Variants in TRAPPC11 observed in about 807,000 individuals in gnomAD.
The protein encoded by TRAPPC11 is trafficking protein particle complex subunit 11, also known as foie gras homolog.
In TRAPPC11, 104 loss-of-function variants were observed where a neutral mutation model predicts 151.2. The observed-to-expected ratio is 0.69, with a 90% CI of 0.59 to 0.81. TRAPPC11 has a LOEUF of 0.81. Ranked by LOEUF, TRAPPC11 falls within the 30% of genes least tolerant of loss-of-function variation. The probability of loss-of-function intolerance (pLI) is 0.00; values close to 1 mark genes in which losing one functional copy is unlikely to be tolerated. For synonymous variants in TRAPPC11, 456 were observed against 472.3 expected (o/e 0.97, Z 0.45); for missense variants, 1,230 against 1,349.6 (o/e 0.91, Z 1.39).
At chr4:183,673,699 TAATGA>T (rs889388589) in intron 5 of TRAPPC11, among the ~76,000 whole-genome samples, 12 of 152,064 alleles carry the variant, frequency 7.9e-5, no homozygotes, top group African/African-American at 9.7e-5. Context: ...TGAAATGAAA[TAATGA>T]AATGAAATGA....
rs368270316 is a variant in TRAPPC11, at chr4:183,700,094, G to A, written c.2852-1603G>A. On this transcript the variant is annotated intron_variant, in intron 25 of 29. Coordinates refer to ENST00000334690, the MANE Select transcript of TRAPPC11 (RefSeq NM_021942.6). ...CCCAAAGTGCTGGGATTACAAGCGT[G>A]AGCCACCACGCCCAGCCAATGTTAA... Among the ~76,000 whole-genome samples, 311 of 152,166 alleles carry A rather than the reference G, an allele frequency of 2.0e-3. 1 individual carries two copies. Among genetic ancestry groups the A allele is most frequent in the African/African-American group, 7.1e-3 (294 of 41,518 alleles).
rs1415116624 is a variant in TRAPPC11 at position 183,691,436 on chromosome 4, G to C, written c.2014G>C (p.Val672Leu). 6.6e-7 allele frequency: 1 copy of C among 1,519,652 alleles called. No homozygotes were observed. Among genetic ancestry groups the C allele is most frequent in the African/African-American group, 1.4e-5 (1 of 73,870 alleles). The allele number at this position is 1,519,652 out of a possible 1,614,324, so 94.1% of individuals were successfully genotyped here. A position where few individuals can be genotyped will look rare whatever the true frequency, so the allele number is the denominator to read the frequency against. Residue 672 changes from valine to leucine, a missense_variant, in exon 19 of 30, where the codon GTT becomes CTT. Val to Leu is a conservative substitution (Grantham distance 32). Transcript: ENST00000334690. ...AACAAGAAAACTGTTATTTAAGTTT[G>C]TTGCAAAAACTGAAGATGTGGGAAA... ...GKTRKLLFKF[V>L]AKTEDVGKKI...
At chr4:183,671,351 C>T (rs556322471) in intron 5 of TRAPPC11, among the ~76,000 whole-genome samples, 5 of 152,210 alleles carry the variant, frequency 3.3e-5, no homozygotes, top group South Asian at 2.1e-4. Flanking sequence ...TTTGGCTGGG[C>T]GGGACAGTAT....
chr4:183,675,145 T>G lies in TRAPPC11; in HGVS notation c.661-19T>G. 7.2e-7 allele frequency: 1 copy of G among 1,384,600 alleles called. No individual in the cohort carries two copies. Among genetic ancestry groups the G allele is most frequent in the Non-Finnish European group, 9.7e-7 (1 of 1,025,860 alleles). The allele number at this position is 1,384,600 out of a possible 1,614,324, so 85.8% of individuals were successfully genotyped here. A position where few individuals can be genotyped will look rare whatever the true frequency, so the allele number is the denominator to read the frequency against. On this transcript the variant is annotated intron_variant, in intron 6 of 29. Transcript: ENST00000334690. Reference sequence around the variant, plus strand: ...TTAAATAGAATATGTATAATAGTAATTTTTTTGTCTCTTTTTAGCTTTTAT... The same window carrying G: ...TTAAATAGAATATGTATAATAGTAAGTTTTTTGTCTCTTTTTAGCTTTTAT...
At chr4:183,708,384 C>T (rs1365950392) in intron 28 of TRAPPC11, 23 bp from the exon 29 acceptor site, 3 of 1,604,824 alleles carry the variant, frequency 1.9e-6, no homozygotes, top group African/African-American at 2.7e-5. Context: ...GATTATCTTT[C>T]TCTGTGACTT....
intron 8 of TRAPPC11, among the ~76,000 whole-genome samples, chr4:183,678,581 C>T (rs1384042327): frequency 6.6e-6 from 1 of 152,126 alleles, no homozygotes; most frequent in East Asian, 1.9e-4. Context: ...AATAAAGTCA[C>T]AGATTAGCAT....
Position 183,666,381 on chromosome 4 carries a change from G to T in TRAPPC11, c.329G>T (p.Trp110Leu), listed in dbSNP as rs746570583. The change falls in exon 3 of 30, where the codon TGG becomes TTG. Residue 110 changes from tryptophan to leucine, a missense_variant. Physicochemically the swap from Trp to Leu is moderately conservative, Grantham distance 61 (BLOSUM62 -2). Transcript: ENST00000334690. ...FYELDWDEPQ[W>L]KEKQSECATR... ...GAACTGGACTGGGATGAGCCTCAGT[G>T]GAAAGAAAAGCAGTCTGAGTGCGCC... 16 of 1,613,912 alleles carry T rather than the reference G, an allele frequency of 9.9e-6. No individual in the cohort carries two copies. In the African/African-American group the frequency reaches 1.9e-4, roughly 19 times the overall value.
chr4:183,711,205 G>C (rs1225254701), intron 29 of TRAPPC11, among the ~76,000 whole-genome samples: 1 of 151,954 alleles, frequency 6.6e-6, no homozygotes, highest in Non-Finnish European at 1.5e-5. Context: ...TTAGGTCCTA[G>C]TGCACCTGTA....
At position 183,664,062 on chromosome 4, in the gene TRAPPC11, T is replaced by C. The variant is rs1322974839; in HGVS notation, c.195T>C (p.Cys65=). The C allele has an allele frequency of 6.2e-7, 1 of 1,612,686 alleles. No homozygotes were observed. Among genetic ancestry groups the C allele is most frequent in the Non-Finnish European group, 8.5e-7 (1 of 1,179,756 alleles). ...CAGGTGACCATGAGTATCCCAAATGTAGACCCAAGGTAATGGCATTGTGAT... is the reference window on the plus strand; with the variant it reads ...CAGGTGACCATGAGTATCCCAAATGCAGACCCAAGGTAATGGCATTGTGAT... ...VLPGDHEYPK[C]RPKRTSYEWY... is the part of the protein sequence containing the mutation. The change falls in exon 2 of 30, where the codon TGT becomes TGC. Residue 65 remains cysteine, a synonymous_variant. Coordinates refer to ENST00000334690, the MANE Select transcript of TRAPPC11 (RefSeq NM_021942.6).
chr4:183,687,198 A>T (rs951915299), intron 18 of TRAPPC11, among the ~76,000 whole-genome samples: 1 of 151,964 alleles, frequency 6.6e-6, no homozygotes, highest in Non-Finnish European at 1.5e-5. Flanking sequence ...ATATATATAT[A>T]TGTTTCTAAA....
chr4:183,662,823 C>T (rs1303197500), intron 1 of TRAPPC11, among the ~76,000 whole-genome samples: 1 of 151,170 alleles, frequency 6.6e-6, no homozygotes, highest in African/African-American at 2.4e-5. Context: ...ATTTTATCAC[C>T]TTCTTGCTTT....
intron 5 of TRAPPC11, among the ~76,000 whole-genome samples, chr4:183,671,752 A>T (rs1735168649): frequency 6.6e-6 from 1 of 152,214 alleles, no homozygotes; most frequent in African/African-American, 2.4e-5. Flanking sequence ...TGGCTAAAAT[A>T]TATGTTTGTA....
At chr4:183,699,051 A>G (rs1295347477) in intron 25 of TRAPPC11, among the ~76,000 whole-genome samples, 1 of 151,954 alleles carries the variant, frequency 6.6e-6, no homozygotes, top group Non-Finnish European at 1.5e-5. Flanking sequence ...CCTGCCTTTC[A>G]TATTGCCACT....
chr4:183,666,232 T>C, intron 2 of TRAPPC11, 25 bp from the exon 3 acceptor site: 1 of 1,602,276 alleles, frequency 6.2e-7, no homozygotes, highest in African/African-American at 1.3e-5. Flanking sequence ...TCAGGTAACT[T>C]TTCAATTTCT....
Position 183,693,917 on chromosome 4 carries a change from G to T in TRAPPC11, c.2387G>T (p.Gly796Val). 6.2e-7 allele frequency: 1 copy of T among 1,613,268 alleles called. No individual in the cohort carries two copies. The highest frequency in any genetic ancestry group is 8.5e-7 in the Non-Finnish European group (1 of 1,179,392). Residue 796 changes from glycine to valine, a missense_variant and splice_region_variant, in exon 22 of 30, where the codon GGA (glycine) becomes GTA (valine). Physicochemically the swap from Gly to Val is moderately radical, Grantham distance 109. Transcript: ENST00000334690. The stretch of plus-strand genomic sequence containing the variant: ...GAAGAACCAATATTAACTCTTTTAG[G>T]ACAGGATGCCAATTTAACTCAGAAG... The part of the protein sequence containing the change: ...DVKLTAGLKP[G>V]QDANLTQKTH...
At chr4:183,706,963 CT>C (rs1737103972) in intron 28 of TRAPPC11, 23 bp downstream of exon 28, 2 of 1,607,648 alleles carry the variant, frequency 1.2e-6, no homozygotes, top group Middle Eastern at 3.3e-4. Flanking sequence ...TCTTGTGATG[CT>C]TATGTTGACA....
Position 183,663,953 on chromosome 4 carries a change from A to G in TRAPPC11, c.86A>G (p.Tyr29Cys), listed in dbSNP as rs1734703097. ...FVTLTGLDVV[Y>C]NAVHRAVWDA... ...ACTCTAACGGGCCTGGATGTAGTTT[A>G]TAATGCAGTCCATCGAGCTGTCTGG... Residue 29 changes from tyrosine to cysteine, a missense_variant, in exon 2 of 30, where the codon TAT becomes TGT. Physicochemically the swap from Tyr to Cys is radical, Grantham distance 194 (BLOSUM62 -2). Coordinates refer to ENST00000334690, the MANE Select transcript of TRAPPC11 (RefSeq NM_021942.6). 6.2e-7 allele frequency: 1 copy of G among 1,614,020 alleles called. No homozygotes were observed. Among genetic ancestry groups the G allele is most frequent in the African/African-American group, 1.3e-5 (1 of 74,916 alleles).
Position 183,694,044 on chromosome 4 carries a change from C to G in TRAPPC11, c.2508+6C>G. Reference sequence around the variant, plus strand: ...ACTTACATCCAGGGGAACAGGTAAACTTGGTCAACTGGGATTGAAGAGGAA... The same window carrying G: ...ACTTACATCCAGGGGAACAGGTAAAGTTGGTCAACTGGGATTGAAGAGGAA... On this transcript the variant is annotated splice_donor_region_variant and intron_variant, in intron 22 of 29. Transcript: ENST00000334690. The G allele has an allele frequency of 1.2e-6, 2 of 1,612,696 alleles. No homozygotes were observed. The highest frequency in any genetic ancestry group is 1.1e-5 in the South Asian group (1 of 90,786).
At chr4:183,667,152 A>C in intron 4 of TRAPPC11, 22 bp downstream of exon 4, 1 of 1,575,518 alleles carries the variant, frequency 6.3e-7, no homozygotes, top group Non-Finnish European at 8.7e-7. Flanking sequence ...CTAATTAATG[A>C]ATTAATTGTT....
Sources: gnomAD v4.1 joint callset for allele counts (sites outside exome capture counted in the v4.1 genomes callset) on GRCh38, gnomAD v4.1.1 for gene constraint, MANE v1.5 for transcripts, NCBI Gene and HGNC (gene_info 2026-07-23, HGNC 2026-07-21) for gene names.